The following RNF122 variants were observed in gnomAD, a reference collection of about 807,000 sequenced individuals.
RNF122 encodes ring finger protein 122.
RNF122 carries 17 observed loss-of-function variants against 24.2 expected under a neutral mutation model. The observed-to-expected ratio is 0.70, with a 90% confidence interval of 0.48 to 1.06. The LOEUF (loss-of-function observed/expected upper bound fraction) is 1.06. Ranked by LOEUF, RNF122 falls within the 50% of genes least tolerant of loss-of-function variation. The pLI is 0.00. For missense variants in RNF122, 168 were observed against 198.1 expected (o/e 0.85, Z 0.91); for synonymous variants, 65 against 71.8 (o/e 0.91, Z 0.48).
At position 33,548,591 on chromosome 8, in the gene RNF122, C is replaced by T; in HGVS notation, c.*162G>A. 3 of 562,104 alleles carry T rather than the reference C, an allele frequency of 5.3e-6. No individual in the cohort carries two copies. Among genetic ancestry groups the T allele is most frequent in the Non-Finnish European group, 9.7e-6 (3 of 310,158 alleles). 34.8% of individuals were successfully genotyped at this position (562,104 alleles called of 1,614,324 possible). The stretch of plus-strand genomic sequence containing the variant: ...GCAGGAAGTGGGGGCACATCTGGCA[C>T]TGGTCTTGCACTGAGGGTAGAAGCC... On this transcript the variant is annotated 3_prime_UTR_variant, in exon 6 of 6. Coordinates refer to ENST00000256257, the MANE Select transcript of RNF122 (RefSeq NM_024787.3).
intron 2 of RNF122, among the ~76,000 whole-genome samples, chr8:33,557,369 C>T (rs7835188): frequency 0.057 from 8,702 of 152,180 alleles, 799 homozygotes; most frequent in African/African-American, 0.19. Flanking sequence ...AGGGCTCATG[C>T]CTGTAATCCC....
At position 33,549,442 on chromosome 8, in the gene RNF122, G is replaced by A. The variant is rs148302412; in HGVS notation, c.321C>T (p.Gly107=). 2.5e-5 allele frequency: 41 copies of A among 1,613,982 alleles called. No individual in the cohort carries two copies. Among genetic ancestry groups the A allele is most frequent in the African/African-American group, 8.0e-5 (6 of 74,934 alleles). ...LEDFKGKDEL[G]VLPCQHAFHR... is the part of the protein sequence containing the mutation. ...GAAAGGCGTGTTGGCACGGGAGCAC[G>A]CCTAACTCATCCTTCCCCTTGAAGT... is the stretch of plus-strand genomic sequence containing the variant. Residue 107 remains glycine, a synonymous_variant, in exon 5 of 6, where the codon GGC becomes GGT. Coordinates refer to ENST00000256257, the MANE Select transcript of RNF122 (RefSeq NM_024787.3).
chr8:33,563,426 T>C (rs1018046678), intron 1 of RNF122, among the ~76,000 whole-genome samples: 1 of 152,198 alleles, frequency 6.6e-6, no homozygotes, highest in Non-Finnish European at 1.5e-5. Context: ...AAACAGAAAG[T>C]AGAAGTTCTT....
chr8:33,566,149 G>A (rs1293339393), intron 1 of RNF122, among the ~76,000 whole-genome samples: 3 of 152,126 alleles, frequency 2.0e-5, no homozygotes, highest in Non-Finnish European at 4.4e-5. Flanking sequence ...CACCGCGCCT[G>A]GCCGAAAGCG....
chr8:33,564,232 A>G (rs965468431), intron 1 of RNF122, among the ~76,000 whole-genome samples: 1 of 152,142 alleles, frequency 6.6e-6, no homozygotes, highest in Non-Finnish European at 1.5e-5. Flanking sequence ...AAAGGACAGG[A>G]TCTCTCAGTC....
intron 4 of RNF122, among the ~76,000 whole-genome samples, chr8:33,549,998 A>G (rs1331935147): frequency 6.6e-6 from 1 of 151,828 alleles, no homozygotes; most frequent in Admixed American, 6.6e-5. Context: ...CAATGGTGCA[A>G]TCTTGGCTCA....
At chr8:33,549,800 A>G (rs1207625944) in intron 4 of RNF122, among the ~76,000 whole-genome samples, 24 of 152,180 alleles carry the variant, frequency 1.6e-4, no homozygotes, top group Admixed American at 6.5e-5. Flanking sequence ...CTATTATCAC[A>G]GAAGTTTCCA....
chr8:33,560,129 A>G (rs953726706), intron 1 of RNF122, among the ~76,000 whole-genome samples: 2 of 152,078 alleles, frequency 1.3e-5, no homozygotes, highest in African/African-American at 2.4e-5. Context: ...GGCATGAGCC[A>G]CGGCACCTAG....
rs1469314860 is a variant in RNF122, at chr8:33,558,750, A to T, written c.47T>A (p.Leu16Gln). 6.3e-7 allele frequency: 1 copy of T among 1,590,772 alleles called. No homozygotes were observed. The highest frequency in any genetic ancestry group is 8.6e-7 in the Non-Finnish European group (1 of 1,166,874). ...CGAGCAGGACTTGTTGGTGCTAACCAGTCCCAGGCCACAGAAACACCCTGC... is the reference window on the plus strand; with the variant it reads ...CGAGCAGGACTTGTTGGTGCTAACCTGTCCCAGGCCACAGAAACACCCTGC... ...WCNGCFCGLG[L>Q]VSTNKSCSMP... Residue 16 changes from leucine (L) to glutamine (Q), a missense_variant, in exon 2 of 6, where the codon CTG (leucine) becomes CAG (glutamine). Transcript: ENST00000256257.
In RNF122 at chr8:33,548,173, G is replaced by A. The variant is rs114804489; in HGVS notation, c.*580C>T. On this transcript the variant is annotated 3_prime_UTR_variant, in exon 6 of 6. Transcript: ENST00000256257. ...CTCTCTTACTCTGGAGTCAGCTGGC[G>A]CCCGCCAGCCTTTGTTTCCATAGGT... is the stretch of plus-strand genomic sequence containing the variant. 2,358 of 152,624 alleles carry A rather than the reference G, an allele frequency of 0.015. 30 individuals are homozygous for A. The highest frequency in any genetic ancestry group is 0.034 in the African/African-American group (1,411 of 41,472). 9.5% of individuals were successfully genotyped at this position (152,624 alleles called of 1,614,324 possible).
chr8:33,551,664 C>A (rs767985984), intron 2 of RNF122, among the ~76,000 whole-genome samples: 1 of 152,236 alleles, frequency 6.6e-6, no homozygotes, highest in African/African-American at 2.4e-5. Context: ...CTCATTCACT[C>A]ACCCTGCCTT....
At chr8:33,549,221 C>CAAAAAAAAA (rs377477701) in intron 5 of RNF122, among the ~76,000 whole-genome samples, 189 bp downstream of exon 5, 3 of 141,774 alleles carry the variant, frequency 2.1e-5, no homozygotes, top group African/African-American at 8.4e-5. Flanking sequence ...AACTCCAACT[C>CAAAAAAAAA]AAAAAAAAAA....
chr8:33,559,309 T>C (rs1236905903), intron 1 of RNF122, among the ~76,000 whole-genome samples: 1 of 100,786 alleles, frequency 9.9e-6, no homozygotes, highest in Non-Finnish European at 1.9e-5. Flanking sequence ...CAATCTCTAT[T>C]TTTAAAAATT....
Position 33,550,779 on chromosome 8 carries a change from G to GT in RNF122, c.270+264dup, listed in dbSNP as rs541344768. 2.6e-4 allele frequency among the ~76,000 whole-genome samples: 40 copies of GT among 152,254 alleles called. No homozygotes were observed. The South Asian group carries it at 7.9e-3, about 30-fold the overall frequency. ...CGACCATCCTCCTGGTAAAAATTAT[G>GT]TATTGTGGGACTCCTGGGGCTGTGG... is the stretch of plus-strand genomic sequence containing the variant. On this transcript the variant is annotated intron_variant, in intron 4 of 5. Coordinates refer to ENST00000256257, the MANE Select transcript of RNF122 (RefSeq NM_024787.3).
chr8:33,562,018 CCT>C (rs754518110), intron 1 of RNF122, among the ~76,000 whole-genome samples: 8 of 152,074 alleles, frequency 5.3e-5, no homozygotes, highest in South Asian at 2.1e-4. Flanking sequence ...TGCCTGCTTC[CCT>C]GTCTTTGTTT....
intron 2 of RNF122, among the ~76,000 whole-genome samples, chr8:33,557,543 G>A (rs7834354): frequency 0.02 from 3,105 of 151,600 alleles, 106 homozygotes; most frequent in African/African-American, 0.072. Context: ...CAGGACAATC[G>A]CTTTAACCTA....
intron 2 of RNF122, among the ~76,000 whole-genome samples, chr8:33,556,508 G>C (rs188343464): frequency 6.6e-6 from 1 of 152,288 alleles, no homozygotes; most frequent in Admixed American, 6.5e-5. Context: ...GGACCAAGGA[G>C]AGTTGGTTTT....
chr8:33,557,854 T>C (rs534308018), intron 2 of RNF122, among the ~76,000 whole-genome samples: 4 of 151,930 alleles, frequency 2.6e-5, no homozygotes, highest in Non-Finnish European at 5.9e-5. Flanking sequence ...AATAAACAAG[T>C]AGCTCCGCCC....
In RNF122 at chr8:33,547,869, T is replaced by C. The variant is rs1016444141; in HGVS notation, c.*884A>G. 2 of 151,078 alleles carry C rather than the reference T, an allele frequency of 1.3e-5. No individual in the cohort carries two copies. The highest frequency in any genetic ancestry group is 2.4e-5 in the African/African-American group (1 of 41,000). The allele number at this position is 151,078 out of a possible 1,614,324, so 9.4% of individuals were successfully genotyped here. A position where few individuals can be genotyped will look rare whatever the true frequency, so the allele number is the denominator to read the frequency against. ...CCCACCCCCTTCCATTCTGGAGATTTCGTATCTAAAGCCTGAGAGGCGAGG... is the reference window on the plus strand; with the variant it reads ...CCCACCCCCTTCCATTCTGGAGATTCCGTATCTAAAGCCTGAGAGGCGAGG... On this transcript the variant is annotated 3_prime_UTR_variant, in exon 6 of 6. Transcript: ENST00000256257.
Sources: gnomAD v4.1 joint callset for allele counts (sites outside exome capture counted in the v4.1 genomes callset) on GRCh38, gnomAD v4.1.1 for gene constraint, MANE v1.5 for transcripts, NCBI Gene and HGNC (gene_info 2026-07-23, HGNC 2026-07-21) for gene names.